The following HEATR5B variants were observed in gnomAD, a reference collection of about 807,000 sequenced individuals.
HEATR5B encodes the protein HEAT repeat containing 5B.
A neutral mutation model predicts 224.1 loss-of-function variants in HEATR5B; 156 were observed. The ratio of observed to expected loss-of-function variants is 0.70; its 90% CI spans 0.61 to 0.80. The LOEUF (loss-of-function observed/expected upper bound fraction) is 0.80. Among genes scored for constraint, HEATR5B ranks in the 30% least tolerant of loss-of-function variants. The probability of loss-of-function intolerance (pLI) is 0.00; values close to 1 mark genes in which losing one functional copy is unlikely to be tolerated. For synonymous variants in HEATR5B, 1,027 were observed against 893.0 expected (o/e 1.15, Z -2.68); for missense variants, 2,323 against 2,535.5 (o/e 0.92, Z 1.80).
intron 33 of HEATR5B, among the ~76,000 whole-genome samples, chr2:36,991,000 T>C (rs1666290347): frequency 6.6e-6 from 1 of 152,108 alleles, no homozygotes; most frequent in Non-Finnish European, 1.5e-5. Context: ...AGAATTTTAA[T>C]CTTGAACAAT....
intron 7 of HEATR5B, among the ~76,000 whole-genome samples, chr2:37,069,723 A>G (rs1031244969): frequency 1.3e-5 from 2 of 152,182 alleles, no homozygotes; most frequent in African/African-American, 2.4e-5. Flanking sequence ...GCTTATTTAT[A>G]TATTATTAAA....
At chr2:37,051,221 T>G (rs927413264) in intron 17 of HEATR5B, among the ~76,000 whole-genome samples, 1 of 151,738 alleles carries the variant, frequency 6.6e-6, no homozygotes, top group Non-Finnish European at 1.5e-5. Flanking sequence ...CTGGGCATGA[T>G]GGCGCGTGCC....
chr2:37,061,259 A>G (rs1382182088), intron 11 of HEATR5B, among the ~76,000 whole-genome samples: 1 of 152,198 alleles, frequency 6.6e-6, no homozygotes, highest in African/African-American at 2.4e-5. Context: ...TAAAAAATTC[A>G]TTTAACATAC....
In HEATR5B at chr2:37,064,740, C is replaced by T. The variant is rs918380254; in HGVS notation, c.1584G>A (p.Lys528=). The stretch of plus-strand genomic sequence containing the variant: ...CCCAAGTCTAGGATCTCCGTCATAC[C>T]TTTCCTTTGGCATGAGGAATGCCCA... ...CPLGIPHAKG[K]MVVSIAEDLL... The change falls in exon 10 of 36, where the codon AAG becomes AAA. Residue 528 remains lysine, a splice_region_variant and synonymous_variant. Coordinates refer to ENST00000233099, the MANE Select transcript of HEATR5B (RefSeq NM_019024.3). 6.2e-7 allele frequency: 1 copy of T among 1,613,790 alleles called. No homozygotes were observed. Among genetic ancestry groups the T allele is most frequent in the Admixed American group, 1.7e-5 (1 of 59,966 alleles).
At chr2:37,041,414 T>C in intron 18 of HEATR5B, 122 bp from the exon 19 acceptor site, 1 of 867,172 alleles carries the variant, frequency 1.2e-6, no homozygotes, top group South Asian at 1.7e-5. Flanking sequence ...AATCAGTTAC[T>C]TCTTTCTCCA....
At chr2:37,002,671 A>C in intron 31 of HEATR5B, 99 bp from the exon 32 acceptor site, 1 of 1,185,250 alleles carries the variant, frequency 8.4e-7, no homozygotes. Context: ...ATTTATAAGC[A>C]AATGTCAAAT....
Position 36,990,801 on chromosome 2 carries a change from T to C in HEATR5B, c.5546-2A>G. 1 of 1,539,774 alleles carries C rather than the reference T, an allele frequency of 6.5e-7. No individual in the cohort carries two copies. The highest frequency in any genetic ancestry group is 8.8e-7 in the Non-Finnish European group (1 of 1,142,358). The stretch of plus-strand genomic sequence containing the variant: ...CATCAGGTGTAGGTACAGAGTCTTC[T>C]GAAAATGAAAAATGAAAGAAGTGTG... On this transcript the variant is annotated splice_acceptor_variant, in intron 33 of 35. Coordinates refer to ENST00000233099, the MANE Select transcript of HEATR5B (RefSeq NM_019024.3). LOFTEE classifies it high-confidence loss of function.
intron 7 of HEATR5B, among the ~76,000 whole-genome samples, chr2:37,069,861 C>T (rs551495058): frequency 2.0e-5 from 3 of 151,038 alleles, no homozygotes; most frequent in South Asian, 2.1e-4. Context: ...TACTTAGTAA[C>T]AGTTTTCCAC....
chr2:37,058,955 G>A lies in HEATR5B; in HGVS notation c.1882C>T (p.Leu628=). The A allele has an allele frequency of 1.2e-6, 2 of 1,610,336 alleles. No homozygotes were observed. The highest frequency in any genetic ancestry group is 1.7e-6 in the Non-Finnish European group (2 of 1,177,680). ...TTTCGAATCACATCTTCAGTTAGTAGCTCAGGACAATGTGCAACGAAGCTC... is the reference window on the plus strand; with the variant it reads ...TTTCGAATCACATCTTCAGTTAGTAACTCAGGACAATGTGCAACGAAGCTC... The part of the protein sequence containing the change: ...MRSFVAHCPE[L]LTEDVIRKLM... The change falls in exon 13 of 36, where the codon CTA becomes TTA. Residue 628 remains leucine, a synonymous_variant. Transcript: ENST00000233099.
At chr2:36,988,138 C>T (rs1666071041) in intron 35 of HEATR5B, among the ~76,000 whole-genome samples, 1 of 151,294 alleles carries the variant, frequency 6.6e-6, no homozygotes, top group Non-Finnish European at 1.5e-5. Context: ...GCATACATTC[C>T]TAGAAAAAAA....
chr2:37,065,243 T>TA (rs1671518882), intron 9 of HEATR5B, among the ~76,000 whole-genome samples: 4 of 152,162 alleles, frequency 2.6e-5, no homozygotes, highest in Admixed American at 6.5e-5. Flanking sequence ...TCAATTTTTA[T>TA]AAAAAAACTA....
At chr2:37,057,838 G>C (rs914942663) in intron 14 of HEATR5B, among the ~76,000 whole-genome samples, 2 of 152,078 alleles carry the variant, frequency 1.3e-5, no homozygotes, top group South Asian at 2.1e-4. Flanking sequence ...GCAAGACCCT[G>C]TCTGAAAGAC....
chr2:37,071,004 G>C (rs1289806764), intron 6 of HEATR5B, among the ~76,000 whole-genome samples: 1 of 152,156 alleles, frequency 6.6e-6, no homozygotes, highest in African/African-American at 2.4e-5. Context: ...CAGAATCTAA[G>C]TCTCAATTTC....
intron 33 of HEATR5B, among the ~76,000 whole-genome samples, chr2:36,991,006 A>C (rs1666290893): frequency 6.6e-6 from 1 of 152,126 alleles, no homozygotes; most frequent in Non-Finnish European, 1.5e-5. Flanking sequence ...TTAATCTTGA[A>C]CAATCATCTC....
intron 22 of HEATR5B, among the ~76,000 whole-genome samples, chr2:37,030,982 G>C (rs72873867): frequency 6.6e-6 from 1 of 152,114 alleles, no homozygotes; most frequent in African/African-American, 2.4e-5. Flanking sequence ...CTTTCCTTCT[G>C]AGTCCGAACT....
chr2:36,998,678 G>A (rs185736486), intron 33 of HEATR5B, among the ~76,000 whole-genome samples: 1 of 152,170 alleles, frequency 6.6e-6, no homozygotes, highest in Admixed American at 6.5e-5. Context: ...AAAAACATAT[G>A]ACAGAAACTA....
At chr2:37,058,838 A>C in intron 13 of HEATR5B, 50 bp downstream of exon 13, 1 of 1,083,888 alleles carries the variant, frequency 9.2e-7, no homozygotes, top group Non-Finnish European at 1.4e-6. Flanking sequence ...TGAGAAGTAT[A>C]TTATTAATAT....
chr2:36,981,690 C>G lies in HEATR5B; in HGVS notation c.6016G>C (p.Ala2006Pro). The G allele has an allele frequency of 6.2e-7, 1 of 1,613,988 alleles. No homozygotes were observed. Among genetic ancestry groups the G allele is most frequent in the Non-Finnish European group, 8.5e-7 (1 of 1,179,984 alleles). ...CCAATATGCATTAAATTCTGGAGTG[C>G]AAACTCATGAAGATCTTTGGAAGCT... ...SSASKDLHEFALQNLMHIGPL... is the reference protein window; with the variant it reads ...SSASKDLHEFPLQNLMHIGPL... Residue 2006 changes from alanine (A) to proline (P), a missense_variant, in exon 36 of 36, where the codon GCA becomes CCA. Transcript: ENST00000233099.
intron 5 of HEATR5B, among the ~76,000 whole-genome samples, chr2:37,074,921 A>G (rs1319523453): frequency 6.6e-6 from 1 of 152,222 alleles, no homozygotes; most frequent in Non-Finnish European, 1.5e-5. Flanking sequence ...GTAACAAACA[A>G]TGGTGATGAT....
Sources: gnomAD v4.1 joint callset for allele counts (sites outside exome capture counted in the v4.1 genomes callset) on GRCh38, gnomAD v4.1.1 for gene constraint, MANE v1.5 for transcripts, NCBI Gene and HGNC (gene_info 2026-07-23, HGNC 2026-07-21) for gene names.